The following TMEM33 variants were observed in gnomAD, a reference collection of about 807,000 sequenced individuals.
TMEM33 encodes transmembrane protein 33.
TMEM33 carries 16 observed loss-of-function variants against 29.7 expected under a neutral mutation model. The ratio of observed to expected loss-of-function variants is 0.54; its 90% confidence interval spans 0.36 to 0.82. The LOEUF is 0.82. Among genes scored for constraint, TMEM33 ranks in the 40% least tolerant of loss-of-function variants. The probability of loss-of-function intolerance (pLI) is 0.00; values close to 1 mark genes in which losing one functional copy is unlikely to be tolerated. For missense variants in TMEM33, 252 were observed against 295.3 expected (o/e 0.85, Z 1.08); for synonymous variants, 112 against 109.4 (o/e 1.02, Z -0.15).
At position 41,955,218 on chromosome 4, in the gene TMEM33, G is replaced by A. The variant is rs1167548246; in HGVS notation, c.*1019G>A. 9 of 152,464 alleles carry A rather than the reference G, an allele frequency of 5.9e-5. No homozygotes were observed. The East Asian group carries it at 1.7e-3, about 29-fold the overall frequency. 9.4% of individuals were successfully genotyped at this position (152,464 alleles called of 1,614,324 possible). ...TCTGACTTAAAAGGTTAAATGGAAG[G>A]TTTTATAGGTAAGGTAATTGATTGG... On this transcript the variant is annotated 3_prime_UTR_variant, in exon 7 of 7. Transcript: ENST00000504986.
intron 6 of TMEM33, 160 bp from the exon 7 acceptor site, chr4:41,953,910 A>G (rs534014417): frequency 1.4e-5 from 11 of 776,376 alleles, no homozygotes; most frequent in South Asian, 5.8e-5. Context: ...AAGTGAGCAC[A>G]TGCTGTTGGA....
rs1713350849 is a variant in TMEM33 at position 41,958,432 on chromosome 4, C to T, written c.*4233C>T. On this transcript the variant is annotated 3_prime_UTR_variant, in exon 7 of 7. Coordinates refer to ENST00000504986, the MANE Select transcript of TMEM33 (RefSeq NM_018126.3). ...CAGATCAAGGTCTATCCAGTTTTTT[C>T]TTTTCATGCTAAGTGCCTACATCAC... 4 of 152,116 alleles carry T rather than the reference C, an allele frequency of 2.6e-5. No homozygotes were observed. Among genetic ancestry groups the T allele is most frequent in the Admixed American group, 2.6e-4 (4 of 15,274 alleles). 9.4% of individuals were successfully genotyped at this position (152,116 alleles called of 1,614,324 possible).
intron 1 of TMEM33, among the ~76,000 whole-genome samples, chr4:41,938,016 C>T (rs1467127120): frequency 6.6e-6 from 1 of 152,084 alleles, no homozygotes; most frequent in African/African-American, 2.4e-5. Flanking sequence ...CTAGAGTATG[C>T]CAGGCCCTTG....
chr4:41,935,895 G>C (rs1482792928), intron 1 of TMEM33, among the ~76,000 whole-genome samples: 1 of 152,206 alleles, frequency 6.6e-6, no homozygotes, highest in East Asian at 1.9e-4. Flanking sequence ...ACCACGTGGA[G>C]CACACGAGTG....
intron 5 of TMEM33, among the ~76,000 whole-genome samples, chr4:41,948,503 T>TA: frequency 6.6e-6 from 1 of 152,196 alleles, no homozygotes; most frequent in Non-Finnish European, 1.5e-5. Context: ...AAGAAAAGGC[T>TA]AAAAAACCTA....
chr4:41,935,291 G>T, upstream of TMEM33: 1 of 657,730 alleles, frequency 1.5e-6, no homozygotes, highest in Non-Finnish European at 2.7e-6. Context: ...GGGTGCCCTG[G>T]ATCCAGTCGG....
chr4:41,959,899 G>T lies in TMEM33; in HGVS notation c.*5700G>T, dbSNP rs1181320373. 1.3e-5 allele frequency: 2 copies of T among 152,112 alleles called. No homozygotes were observed. The highest frequency in any genetic ancestry group is 4.8e-5 in the African/African-American group (2 of 41,432). 9.4% of individuals were successfully genotyped at this position (152,112 alleles called of 1,614,324 possible). ...ATTGAACTAAAAATTTGTATATACA[G>T]TATGTCAGCATTTCTTAGTAACTTC... is the stretch of plus-strand genomic sequence containing the variant. On this transcript the variant is annotated 3_prime_UTR_variant, in exon 7 of 7. Coordinates refer to ENST00000504986, the MANE Select transcript of TMEM33 (RefSeq NM_018126.3).
At chr4:41,946,697 G>A (rs1358557489) in intron 5 of TMEM33, among the ~76,000 whole-genome samples, 3 of 152,018 alleles carry the variant, frequency 2.0e-5, no homozygotes, top group Admixed American at 2.0e-4. Context: ...TGTAATCTGG[G>A]ACAGCAGAAA....
chr4:41,943,538 G>C (rs961439398), intron 3 of TMEM33, among the ~76,000 whole-genome samples: 1 of 148,308 alleles, frequency 6.7e-6, no homozygotes, highest in Non-Finnish European at 1.5e-5. Context: ...AAAAAAAAAA[G>C]AACTGTGAAT....
At position 41,955,503 on chromosome 4, in the gene TMEM33, A is replaced by T. The variant is rs1311095860; in HGVS notation, c.*1304A>T. Reference sequence around the variant, plus strand: ...GTTTTTGTGACCAGTTTCTGTCTGCATGTAATTTGGATTTCTCAAATACAT... The same window carrying T: ...GTTTTTGTGACCAGTTTCTGTCTGCTTGTAATTTGGATTTCTCAAATACAT... On this transcript the variant is annotated 3_prime_UTR_variant, in exon 7 of 7. Transcript: ENST00000504986. 1 of 152,638 alleles carries T rather than the reference A, an allele frequency of 6.6e-6. No individual in the cohort carries two copies. The highest frequency in any genetic ancestry group is 1.5e-5 in the Non-Finnish European group (1 of 68,028). 9.5% of individuals were successfully genotyped at this position (152,638 alleles called of 1,614,324 possible).
In TMEM33 at chr4:41,955,178, TG is replaced by T. The variant is rs1713209490; in HGVS notation, c.*980del. 1 of 152,534 alleles carries T rather than the reference TG, an allele frequency of 6.6e-6. No individual in the cohort carries two copies. Among genetic ancestry groups the T allele is most frequent in the South Asian group, 2.1e-4 (1 of 4,832 alleles). 9.4% of individuals were successfully genotyped at this position (152,534 alleles called of 1,614,324 possible). A position where few individuals can be genotyped will look rare whatever the true frequency, so the allele number is the denominator to read the frequency against. On this transcript the variant is annotated 3_prime_UTR_variant, in exon 7 of 7. Transcript: ENST00000504986. ...AATGGAGAGTATACTGTAGATTACATGTTTACCCATCAAATCTGACTTAAAA... is the reference window on the plus strand; with the variant it reads ...AATGGAGAGTATACTGTAGATTACATTTTACCCATCAAATCTGACTTAAAA...
intron 6 of TMEM33, among the ~76,000 whole-genome samples, chr4:41,952,884 T>C (rs1713102511): frequency 6.6e-6 from 1 of 152,084 alleles, no homozygotes; most frequent in Admixed American, 6.6e-5. Context: ...TTTAAGGAAA[T>C]AGTGGGTGAA....
intron 3 of TMEM33, among the ~76,000 whole-genome samples, chr4:41,940,650 A>G (rs1712494191): frequency 6.6e-6 from 1 of 151,930 alleles, no homozygotes; most frequent in African/African-American, 2.4e-5. Flanking sequence ...TCTACTAAAA[A>G]TACAAAAAAT....
At chr4:41,950,353 ATC>A (rs1712984628) in intron 6 of TMEM33, among the ~76,000 whole-genome samples, 1 of 152,180 alleles carries the variant, frequency 6.6e-6, no homozygotes, top group Non-Finnish European at 1.5e-5. Context: ...CATTACAGCA[ATC>A]TGTATATTTT....
chr4:41,943,810 T>C lies in TMEM33; in HGVS notation c.392T>C (p.Leu131Pro). The C allele has an allele frequency of 6.2e-7, 1 of 1,613,776 alleles. No homozygotes were observed. The highest frequency in any genetic ancestry group is 1.1e-5 in the South Asian group (1 of 91,070). The change falls in exon 4 of 7, where the codon CTT becomes CCT. Residue 131 changes from leucine (L) to proline (P), a missense_variant. Physicochemically the swap from Leu to Pro is moderately conservative, Grantham distance 98. Transcript: ENST00000504986. ...LHAATYTKKVLDARGSNSLPL... is the reference protein window; with the variant it reads ...LHAATYTKKVPDARGSNSLPL... ...GCTGCCACATATACGAAAAAGGTCC[T>C]TGACGTAAGTAAAACTGCTCTTTGT...
intron 5 of TMEM33, among the ~76,000 whole-genome samples, chr4:41,946,717 C>T (rs918179770): frequency 6.6e-6 from 1 of 152,138 alleles, no homozygotes; most frequent in Non-Finnish European, 1.5e-5. Flanking sequence ...AAAGGGACAA[C>T]ATCAACATTC....
Position 41,955,970 on chromosome 4 carries a change from T to G in TMEM33, c.*1771T>G, listed in dbSNP as rs1255779953. The G allele has an allele frequency of 1.4e-5, 2 of 142,574 alleles. No homozygotes were observed. Among genetic ancestry groups the G allele is most frequent in the Admixed American group, 7.0e-5 (1 of 14,384 alleles). 8.8% of individuals were successfully genotyped at this position (142,574 alleles called of 1,614,324 possible). On this transcript the variant is annotated 3_prime_UTR_variant, in exon 7 of 7. Transcript: ENST00000504986. The stretch of plus-strand genomic sequence containing the variant: ...GAAGAGTCAGAAATGTACAAGAGAG[T>G]TTTTTTGTTGTTGTTTTTGTTTTTT...
chr4:41,959,449 C>T lies in TMEM33; in HGVS notation c.*5250C>T, dbSNP rs1185707609. On this transcript the variant is annotated 3_prime_UTR_variant, in exon 7 of 7. Coordinates refer to ENST00000504986, the MANE Select transcript of TMEM33 (RefSeq NM_018126.3). ...GTATTTTAAAATCTAAAGCAGATTC[C>T]TTTCTTAGAAAACAATAGGAAAAAA... The T allele has an allele frequency of 2.0e-5, 3 of 152,154 alleles. No individual in the cohort carries two copies. The highest frequency in any genetic ancestry group is 6.5e-5 in the Admixed American group (1 of 15,270). The allele number at this position is 152,154 out of a possible 1,614,324, so 9.4% of individuals were successfully genotyped here.
intron 6 of TMEM33, among the ~76,000 whole-genome samples, chr4:41,949,921 G>C (rs758402636): frequency 1.3e-5 from 2 of 152,130 alleles, no homozygotes. Flanking sequence ...AGAAGCACAA[G>C]CCATATTTGA....
Sources: gnomAD v4.1 joint callset for allele counts (sites outside exome capture counted in the v4.1 genomes callset) on GRCh38, gnomAD v4.1.1 for gene constraint, MANE v1.5 for transcripts, NCBI Gene and HGNC (gene_info 2026-07-23, HGNC 2026-07-21) for gene names.